The following CSPP1 variants were observed in gnomAD, a reference collection of about 807,000 sequenced individuals.
The protein encoded by CSPP1 is centrosome and spindle pole-associated protein 1.
CSPP1 carries 126 observed loss-of-function variants against 164.4 expected under a neutral mutation model. The ratio of observed to expected loss-of-function variants is 0.77; its 90% CI spans 0.66 to 0.89. The LOEUF is 0.89. Among genes scored for constraint, CSPP1 ranks in the 40% least tolerant of loss-of-function variants. The probability of loss-of-function intolerance (pLI) is 0.00; values close to 1 mark genes in which losing one functional copy is unlikely to be tolerated. For synonymous variants in CSPP1, 472 were observed against 476.7 expected, an observed-to-expected ratio of 0.99 and a Z score of 0.13; for missense variants, 1,395 against 1,449.8, an observed-to-expected ratio of 0.96 and a Z score of 0.61.
At chr8:67,097,458 C>G (rs1813039905) in intron 7 of CSPP1, among the ~76,000 whole-genome samples, 1 of 152,082 alleles carries the variant, frequency 6.6e-6, no homozygotes, top group Non-Finnish European at 1.5e-5. Flanking sequence ...TCAGAAAATT[C>G]TCCAAATCCT....
chr8:67,090,066 A>G lies in CSPP1; in HGVS notation c.304-1737A>G, dbSNP rs564564104. Among the ~76,000 whole-genome samples, 6 of 152,290 alleles carry G rather than the reference A, an allele frequency of 3.9e-5. No individual in the cohort carries two copies. The South Asian group carries it at 8.3e-4, about 21-fold the overall frequency. The stretch of plus-strand genomic sequence containing the variant: ...GTGAAGGAGTGAGGATGTTAAATCT[A>G]TCTTCCTGGTTGGAACTATGAATGG... On this transcript the variant is annotated intron_variant, in intron 4 of 30. Coordinates refer to ENST00000678616, the MANE Select transcript of CSPP1 (RefSeq NM_001382391.1).
Position 67,181,395 on chromosome 8 carries a change from C to T in CSPP1, c.3220+1469C>T, listed in dbSNP as rs147732266. Among the ~76,000 whole-genome samples the T allele has an allele frequency of 4.0e-4, 56 of 139,778 alleles. No homozygotes were observed. In the East Asian group the frequency reaches 8.7e-3, roughly 22 times the overall value. The allele number at this position is 139,778 out of a possible 152,430, so 91.7% of individuals were successfully genotyped here. ...TTTCCTTTCCAAGGAAGATGCACTG[C>T]GGAGAGAAGGAAAGATAAAACCAGC... On this transcript the variant is annotated intron_variant, in intron 28 of 30. Coordinates refer to ENST00000678616, the MANE Select transcript of CSPP1 (RefSeq NM_001382391.1).
rs1783870720 is a variant in CSPP1, at chr8:67,172,525, G to A, written c.2938G>A (p.Val980Ile). The part of the protein sequence containing the change: ...KGLDAATFQN[V>I]HDFNELKDRD... ...CTTAGACGCTGCCACTTTTCAGAAT[G>A]TTCATGATTTTAATGAGCTGAAAGA... The change falls in exon 25 of 31, where the codon GTT becomes ATT. Residue 980 changes from valine (V) to isoleucine (I), a missense_variant. By Grantham distance (29) the Val-to-Ile change is conservative. Coordinates refer to ENST00000678616, the MANE Select transcript of CSPP1 (RefSeq NM_001382391.1). The A allele has an allele frequency of 6.2e-7, 1 of 1,613,446 alleles. No individual in the cohort carries two copies. Among genetic ancestry groups the A allele is most frequent in the African/African-American group, 1.3e-5 (1 of 74,904 alleles).
At chr8:67,178,788 T>C (rs1053437954) in intron 27 of CSPP1, among the ~76,000 whole-genome samples, 2 of 152,018 alleles carry the variant, frequency 1.3e-5, no homozygotes, top group Non-Finnish European at 2.9e-5. Flanking sequence ...GTTGGGCACA[T>C]GGGGCAGGGG....
Position 67,095,640 on chromosome 8 carries a change from C to T in CSPP1, c.831C>T (p.Asp277=), listed in dbSNP as rs1812590205. 1.2e-6 allele frequency: 2 copies of T among 1,612,908 alleles called. No individual in the cohort carries two copies. The highest frequency in any genetic ancestry group is 1.7e-6 in the Non-Finnish European group (2 of 1,179,384). Residue 277 remains aspartate (D), a synonymous_variant, in exon 7 of 31, where the codon GAC becomes GAT. Coordinates refer to ENST00000678616, the MANE Select transcript of CSPP1 (RefSeq NM_001382391.1). ...TTGATAGACGGTATCATAGACCAGACCAAGATCCTGAAGTAAGTGAAGAAA... is the reference window on the plus strand; with the variant it reads ...TTGATAGACGGTATCATAGACCAGATCAAGATCCTGAAGTAAGTGAAGAAA... ...RVFDRRYHRP[D]QDPEVSEEMD...
chr8:67,127,980 G>T (rs1017949871), intron 15 of CSPP1, among the ~76,000 whole-genome samples: 1 of 152,154 alleles, frequency 6.6e-6, no homozygotes, highest in Non-Finnish European at 1.5e-5. Context: ...CGCACAATCT[G>T]TCTTCTTTCC....
At chr8:67,133,978 C>T (rs1821750523) in intron 16 of CSPP1, 1 of 152,216 alleles carries the variant, frequency 6.6e-6, no homozygotes, top group Non-Finnish European at 1.5e-5. Flanking sequence ...TCTTCCATGC[C>T]TCACTTCTAA....
At chr8:67,175,543 G>A in intron 26 of CSPP1, 107 bp downstream of exon 26, 1 of 1,299,874 alleles carries the variant, frequency 7.7e-7, no homozygotes, top group South Asian at 1.2e-5. Flanking sequence ...CCTTTCACTG[G>A]CAGCCCCATG....
chr8:67,107,087 A>G (rs950485692), intron 9 of CSPP1, among the ~76,000 whole-genome samples: 4 of 151,274 alleles, frequency 2.6e-5, no homozygotes, highest in Non-Finnish European at 4.4e-5. Context: ...TCGCTCTATC[A>G]CTGAGGCTGG....
chr8:67,097,116 A>G (rs1812971417), intron 7 of CSPP1, among the ~76,000 whole-genome samples: 1 of 152,196 alleles, frequency 6.6e-6, no homozygotes, highest in Non-Finnish European at 1.5e-5. Flanking sequence ...AGATAGGAAT[A>G]CCTCAGGGTC....
chr8:67,076,641 A>G (rs1807981850), intron 3 of CSPP1, 60 bp downstream of exon 3: 12 of 938,688 alleles, frequency 1.3e-5, no homozygotes, highest in Non-Finnish European at 6.5e-6. Context: ...CTTCTGAAAG[A>G]GGTTTGTCTT....
At position 67,195,546 on chromosome 8, in the gene CSPP1, A is replaced by G. The variant is rs1329558190; in HGVS notation, c.3634A>G (p.Lys1212Glu). The change falls in exon 31 of 31, where the codon AAA (lysine) becomes GAA (glutamate). Residue 1212 changes from lysine to glutamate, a missense_variant. By Grantham distance (56) the Lys-to-Glu change is moderately conservative. Coordinates refer to ENST00000678616, the MANE Select transcript of CSPP1 (RefSeq NM_001382391.1). ...LNQEQQQIPG[K>E]PGTFTWQGLS... ...CCAGGAGCAGCAGCAGATTCCTGGA[A>G]AACCAGGCACTTTCACTTGGCAGGG... is the stretch of plus-strand genomic sequence containing the variant. 3.7e-6 allele frequency: 6 copies of G among 1,614,180 alleles called. No individual in the cohort carries two copies.
chr8:67,175,939 A>AC (rs1831516016), intron 26 of CSPP1, among the ~76,000 whole-genome samples: 1 of 152,242 alleles, frequency 6.6e-6, no homozygotes, highest in Non-Finnish European at 1.5e-5. Flanking sequence ...CTAGGAGTGC[A>AC]GGTACTGGCC....
chr8:67,133,777 C>G (rs1416337142), intron 16 of CSPP1: 1 of 152,248 alleles, frequency 6.6e-6, no homozygotes, highest in Non-Finnish European at 1.5e-5. Context: ...GGAGTCCTCT[C>G]AAAACCCTGC....
intron 15 of CSPP1, among the ~76,000 whole-genome samples, chr8:67,126,646 TGA>T (rs1820129714): frequency 1.3e-5 from 2 of 152,204 alleles, no homozygotes; most frequent in South Asian, 4.1e-4. Flanking sequence ...CAGCCAGAAA[TGA>T]GAGGTGTTCT....
At chr8:67,109,255 G>A (rs1816318735) in intron 9 of CSPP1, among the ~76,000 whole-genome samples, 2 of 152,112 alleles carry the variant, frequency 1.3e-5, no homozygotes, top group African/African-American at 4.8e-5. Context: ...GCTTCTTACT[G>A]GATACCCACT....
At chr8:67,193,382 G>GC in intron 29 of CSPP1, 82 bp from the exon 30 acceptor site, 1 of 1,259,178 alleles carries the variant, frequency 7.9e-7, no homozygotes, top group Middle Eastern at 1.9e-4. Flanking sequence ...CAGGTGATAG[G>GC]CACCATGCCT....
At chr8:67,185,117 AC>A (rs1291322706) in intron 28 of CSPP1, among the ~76,000 whole-genome samples, 49 of 149,594 alleles carry the variant, frequency 3.3e-4, no homozygotes, top group African/African-American at 1.1e-3. Flanking sequence ...AAAAAAAAAA[AC>A]AAAAACAAAC....
intron 6 of CSPP1, among the ~76,000 whole-genome samples, chr8:67,094,786 A>T (rs1451610055): frequency 1.3e-5 from 2 of 152,002 alleles, no homozygotes; most frequent in Non-Finnish European, 2.9e-5. Context: ...GTATCCCCCA[A>T]AGTGGTTCTG....
Sources: gnomAD v4.1 joint callset for allele counts (sites outside exome capture counted in the v4.1 genomes callset) on GRCh38, gnomAD v4.1.1 for gene constraint, MANE v1.5 for transcripts, NCBI Gene and HGNC (gene_info 2026-07-23, HGNC 2026-07-21) for gene names.